The following CEP350 variants were observed in gnomAD, a reference collection of about 807,000 sequenced individuals.
The protein encoded by CEP350 is centrosomal protein 350.
A neutral mutation model predicts 331.8 loss-of-function variants in CEP350; 126 were observed. That is an observed-to-expected ratio of 0.38 (90% CI 0.33 to 0.44). The LOEUF is 0.44. Ranked by LOEUF, CEP350 falls within the 20% of genes least tolerant of loss-of-function variation. CEP350 has a pLI of 1.00. For synonymous variants in CEP350, 1,200 were observed against 1,259.5 expected (o/e 0.95, Z 1.00); for missense variants, 3,406 against 3,634.6 (o/e 0.94, Z 1.62).
At chr1:180,019,553 G>A (rs1655183125) in intron 11 of CEP350, among the ~76,000 whole-genome samples, 1 of 151,968 alleles carries the variant, frequency 6.6e-6, no homozygotes, top group African/African-American at 2.4e-5. Context: ...TTTATGTAAT[G>A]TTATTTTAAA....
At position 180,036,952 on chromosome 1, in the gene CEP350, C is replaced by A; in HGVS notation, c.3973C>A (p.Leu1325Ile). 6.3e-7 allele frequency: 1 copy of A among 1,582,884 alleles called. No homozygotes were observed. The highest frequency in any genetic ancestry group is 8.6e-7 in the Non-Finnish European group (1 of 1,166,106). The change falls in exon 17 of 38, where the codon CTC (leucine) becomes ATC (isoleucine). Residue 1325 changes from leucine to isoleucine, a missense_variant. Coordinates refer to ENST00000367607, the MANE Select transcript of CEP350 (RefSeq NM_014810.5). ...TTCTAAGCGCTTTTCTCCTGCTGGC[C>A]TCCATCATCGTATGGCAGCAGAACT... ...PGSKRFSPAG[L>I]HHRMAAELSY...
intron 1 of CEP350, among the ~76,000 whole-genome samples, chr1:179,961,949 G>A (rs1341375063): frequency 1.3e-5 from 2 of 151,646 alleles, no homozygotes; most frequent in African/African-American, 4.9e-5. Flanking sequence ...AGGTTTAAGC[G>A]ATTCTCCTGC....
chr1:180,099,780 A>ATTTTTTTTT (rs200255438), intron 37 of CEP350, among the ~76,000 whole-genome samples: 1 of 119,516 alleles, frequency 8.4e-6, no homozygotes, highest in African/African-American at 3.3e-5. Flanking sequence ...GCCTTATTTG[A>ATTTTTTTTT]TTTTTTTTTT....
chr1:179,968,869 A>T, intron 1 of CEP350: 1 of 744,534 alleles, frequency 1.3e-6, no homozygotes, highest in South Asian at 1.3e-5. Flanking sequence ...CGCTGATGTC[A>T]GTGTCATATT....
At chr1:180,016,319 T>A (rs61554984) in intron 11 of CEP350, among the ~76,000 whole-genome samples, 2,556 of 152,358 alleles carry the variant, frequency 0.017, 73 homozygotes, top group African/African-American at 0.058. Context: ...TTGTGTCTAC[T>A]GCTATTTAAA....
chr1:179,968,859 C>T lies in CEP350; in HGVS notation c.-14+13717C>T, dbSNP rs979027112. On this transcript the variant is annotated intron_variant, in intron 1 of 37. Transcript: ENST00000367607. ...GTGCCATTGTTACCTTTGAAAACCC[C>T]GCTGATGTCAGTGTCATATTCTGCA... 3.4e-5 allele frequency: 25 copies of T among 736,134 alleles called. 1 individual carries two copies. The highest frequency in any genetic ancestry group is 1.0e-4 in the Admixed American group (6 of 57,962). 45.6% of individuals were successfully genotyped at this position (736,134 alleles called of 1,614,324 possible).
rs1004629726 is a variant in CEP350 at position 180,113,465 on chromosome 1, A to C, written c.*2304A>C. On this transcript the variant is annotated 3_prime_UTR_variant, in exon 38 of 38. Coordinates refer to ENST00000367607, the MANE Select transcript of CEP350 (RefSeq NM_014810.5). ...AATGTGGCAGTAGCTGTCCTGACAG[A>C]CTCCAACTGTCTTTACTATCTGAAG... 4 of 152,090 alleles carry C rather than the reference A, an allele frequency of 2.6e-5. No homozygotes were observed. The highest frequency in any genetic ancestry group is 5.9e-5 in the Non-Finnish European group (4 of 68,040). 9.4% of individuals were successfully genotyped at this position (152,090 alleles called of 1,614,324 possible).
At position 180,112,479 on chromosome 1, in the gene CEP350, A is replaced by G. The variant is rs1008017524; in HGVS notation, c.*1318A>G. The G allele has an allele frequency of 1.3e-5, 2 of 152,638 alleles. No homozygotes were observed. Among genetic ancestry groups the G allele is most frequent in the Non-Finnish European group, 2.9e-5 (2 of 68,048 alleles). 9.5% of individuals were successfully genotyped at this position (152,638 alleles called of 1,614,324 possible). On this transcript the variant is annotated 3_prime_UTR_variant, in exon 38 of 38. Transcript: ENST00000367607. ...ATTACCTGCATCTGAAAAAAAATCT[A>G]TAGACTCCAGCTGCTACATTAGAGC... is the stretch of plus-strand genomic sequence containing the variant.
chr1:180,038,175 T>C (rs1328026106), intron 17 of CEP350, among the ~76,000 whole-genome samples: 2 of 152,252 alleles, frequency 1.3e-5, no homozygotes, highest in Non-Finnish European at 2.9e-5. Flanking sequence ...GTTTAGCTTA[T>C]TTTATTCAAT....
chr1:179,997,011 T>G lies in CEP350; in HGVS notation c.854T>G (p.Leu285Arg). The change falls in exon 6 of 38, where the codon CTT becomes CGT. Residue 285 changes from leucine (L) to arginine (R), a missense_variant. Leu to Arg is a moderately radical substitution (Grantham distance 102, BLOSUM62 -2). Transcript: ENST00000367607. ...CAACATGATGTCAAACTGGAAAAAC[T>G]TAAGGAACGGATTAGAAAACAGTGG... ...RRQHDVKLEK[L>R]KERIRKQWEH... 6.2e-7 allele frequency: 1 copy of G among 1,613,936 alleles called. No individual in the cohort carries two copies. Among genetic ancestry groups the G allele is most frequent in the Admixed American group, 1.7e-5 (1 of 60,016 alleles).
intron 37 of CEP350, among the ~76,000 whole-genome samples, chr1:180,103,401 A>G (rs1236547969): frequency 6.6e-6 from 1 of 152,060 alleles, no homozygotes; most frequent in Non-Finnish European, 1.5e-5. Flanking sequence ...AAAAAAAATC[A>G]TTTGGGGACT....
intron 30 of CEP350, among the ~76,000 whole-genome samples, chr1:180,083,695 TA>T (rs1293025952): frequency 6.6e-6 from 1 of 152,228 alleles, no homozygotes; most frequent in East Asian, 1.9e-4. Flanking sequence ...TTCATCAATC[TA>T]AAAATTTCTC....
intron 22 of CEP350, among the ~76,000 whole-genome samples, chr1:180,050,991 G>C (rs1657463262): frequency 6.6e-6 from 1 of 152,170 alleles, no homozygotes; most frequent in Non-Finnish European, 1.5e-5. Flanking sequence ...ATAGTGTCTT[G>C]TAAGACTTAA....
intron 24 of CEP350, 92 bp downstream of exon 24, chr1:180,054,026 G>T: frequency 1.0e-6 from 1 of 975,650 alleles, no homozygotes; most frequent in Non-Finnish European, 1.5e-6. Context: ...CATTTCATTT[G>T]ATTAGAGCAG....
intron 1 of CEP350, among the ~76,000 whole-genome samples, chr1:179,961,001 A>G (rs1457393211): frequency 1.3e-5 from 2 of 152,138 alleles, no homozygotes; most frequent in Admixed American, 6.5e-5. Context: ...GGACACCTAT[A>G]TATATTTTCC....
intron 7 of CEP350, among the ~76,000 whole-genome samples, chr1:180,004,051 C>T (rs1558092289): frequency 6.6e-6 from 1 of 152,098 alleles, no homozygotes; most frequent in Admixed American, 6.5e-5. Flanking sequence ...ATTTTTTTCT[C>T]ATGTGCAAAG....
intron 29 of CEP350, 140 bp from the exon 30 acceptor site, chr1:180,080,377 A>T (rs762825713): frequency 1.3e-4 from 92 of 724,808 alleles, no homozygotes; most frequent in Non-Finnish European, 1.9e-4. Context: ...AATAATTTGT[A>T]AACTTTTTTC....
intron 25 of CEP350, among the ~76,000 whole-genome samples, chr1:180,060,410 AGGC>A (rs1658122782): frequency 6.6e-6 from 1 of 152,212 alleles, no homozygotes; most frequent in South Asian, 2.1e-4. Context: ...GTGCTTTGGG[AGGC>A]CAAAGACAGA....
chr1:179,981,848 A>C (rs1340532123), intron 1 of CEP350, among the ~76,000 whole-genome samples: 1 of 151,852 alleles, frequency 6.6e-6, no homozygotes, highest in Non-Finnish European at 1.5e-5. Context: ...AATAAAAAAA[A>C]AATTAACCGG....
Sources: allele counts gnomAD v4.1 joint callset (sites outside exome capture counted in the v4.1 genomes callset), GRCh38; gene constraint gnomAD v4.1.1; transcripts MANE v1.5; gene names NCBI Gene and HGNC (gene_info 2026-07-23, HGNC 2026-07-21).